BLTP1: variants seen among roughly 807,000 people sequenced by gnomAD.
The protein encoded by BLTP1 is bridge-like lipid transfer protein family member 1.
the BLTP1 span, chr4:122,263,139 G>T: frequency 2.1e-6 from 2 of 960,104 alleles, no homozygotes; most frequent in African/African-American, 3.5e-5. Flanking sequence ...TGTTCTGTTT[G>T]TAACTTTTCG....
At chr4:122,350,319 C>T in the BLTP1 span, 8 of 984,982 alleles carry the variant, frequency 8.1e-6, no homozygotes, top group East Asian at 1.1e-4. Context: ...ACCCACTCCA[C>T]GCTCTTGAAT....
the BLTP1 span, chr4:122,227,386 G>T: frequency 1.0e-6 from 1 of 985,080 alleles, no homozygotes; most frequent in Non-Finnish European, 1.2e-6. Context: ...ATGTGCAGTG[G>T]CAATGAAATG....
the BLTP1 span, among the ~76,000 whole-genome samples, chr4:122,322,115 T>G: frequency 6.6e-6 from 1 of 151,088 alleles, no homozygotes; most frequent in African/African-American, 2.4e-5. Flanking sequence ...GTTCAGATAT[T>G]TCTTCTATTC....
chr4:122,183,674 T>C, the BLTP1 span, among the ~76,000 whole-genome samples: 1 of 152,170 alleles, frequency 6.6e-6, no homozygotes, highest in African/African-American at 2.4e-5. Context: ...ATCAGCAAAA[T>C]GAGAGGTTTT....
the BLTP1 span, chr4:122,209,072 T>C: frequency 8.0e-7 from 1 of 1,254,400 alleles, no homozygotes. Flanking sequence ...ATTTCCAAGA[T>C]TGTTGTAGAC....
the BLTP1 span, among the ~76,000 whole-genome samples, chr4:122,317,681 A>AT: frequency 1.2e-3 from 179 of 151,722 alleles, no homozygotes; most frequent in African/African-American, 3.9e-3. Flanking sequence ...AACTATATGC[A>AT]TTTTGTATAG....
At chr4:122,351,558 G>C in the BLTP1 span, among the ~76,000 whole-genome samples, 1 of 152,128 alleles carries the variant, frequency 6.6e-6, no homozygotes, top group African/African-American at 2.4e-5. Context: ...ATATGGTTAT[G>C]TTCCTTTGCC....
the BLTP1 span, chr4:122,238,178 C>T: frequency 9.9e-6 from 16 of 1,613,838 alleles, no homozygotes; most frequent in Non-Finnish European, 1.4e-5. Context: ...CCTTAGTCTT[C>T]AAGTACCATT....
the BLTP1 span, chr4:122,259,994 C>A: frequency 7.0e-6 from 5 of 717,756 alleles, no homozygotes; most frequent in African/African-American, 3.9e-5. Context: ...AGTCATGCAT[C>A]ACTTAATGAC....
the BLTP1 span, chr4:122,249,434 A>G: frequency 6.3e-7 from 1 of 1,586,632 alleles, no homozygotes; most frequent in Non-Finnish European, 8.6e-7. Context: ...GTGTTTTTTA[A>G]TGTAAGCTTA....
At chr4:122,261,307 T>A in the BLTP1 span, 1 of 985,308 alleles carries the variant, frequency 1.0e-6, no homozygotes, top group African/African-American at 1.7e-5. Flanking sequence ...GAATCATATT[T>A]AGGTGTTTTC....
the BLTP1 span, chr4:122,289,481 A>G: frequency 1.0e-6 from 1 of 982,426 alleles, no homozygotes. Context: ...CAAATTAATC[A>G]TACTCATTTG....
the BLTP1 span, chr4:122,337,176 G>A: frequency 1.6e-6 from 1 of 641,856 alleles, no homozygotes; most frequent in South Asian, 2.0e-5. Context: ...GCCAGAATAT[G>A]TGTGAAGTAT....
the BLTP1 span, chr4:122,209,920 A>G: frequency 6.8e-6 from 11 of 1,612,730 alleles, no homozygotes; most frequent in Admixed American, 1.8e-4. Flanking sequence ...AGCTGAAACA[A>G]TCATGTAAGT....
At chr4:122,327,909 T>C in the BLTP1 span, 2 of 324,854 alleles carry the variant, frequency 6.2e-6, no homozygotes, top group East Asian at 1.0e-4. Flanking sequence ...ATGTCAGTAG[T>C]GTAACTTTCT....
the BLTP1 span, among the ~76,000 whole-genome samples, chr4:122,264,709 C>G: frequency 6.6e-6 from 1 of 152,142 alleles, no homozygotes; most frequent in Non-Finnish European, 1.5e-5. Context: ...GATAATCATA[C>G]CCTATGGTTT....
the BLTP1 span, chr4:122,266,943 G>C: frequency 6.3e-7 from 1 of 1,579,846 alleles, no homozygotes; most frequent in Non-Finnish European, 8.6e-7. Flanking sequence ...GAGAGAAAAG[G>C]CAAAAGAGCA....
At chr4:122,256,201 A>G in the BLTP1 span, 3 of 981,904 alleles carry the variant, frequency 3.1e-6, no homozygotes, top group African/African-American at 1.7e-5. Context: ...CAGTCAAGCC[A>G]TTGTTCAGGC....
the BLTP1 span, chr4:122,209,301 C>A: frequency 1.9e-6 from 3 of 1,612,292 alleles, no homozygotes; most frequent in East Asian, 6.7e-5. Context: ...GGCCAGAAAA[C>A]AGTTAAACCA....
Sources: gnomAD v4.1 joint callset for allele counts (sites outside exome capture counted in the v4.1 genomes callset) on GRCh38, gnomAD v4.1.1 for gene constraint, MANE v1.5 for transcripts, NCBI Gene and HGNC (gene_info 2026-07-23, HGNC 2026-07-21) for gene names.